CTDSPL2: variants seen among roughly 807,000 people sequenced by gnomAD.
CTDSPL2 encodes the protein CTD small phosphatase-like protein 2.
CTDSPL2 carries 5 observed loss-of-function variants against 60.0 expected under a neutral mutation model. The ratio of observed to expected loss-of-function variants is 0.08; its 90% CI spans 0.04 to 0.18. CTDSPL2 has a LOEUF of 0.18. Ranked by LOEUF, CTDSPL2 falls within the 10% of genes least tolerant of loss-of-function variation. The pLI is 1.00. For missense variants in CTDSPL2, 370 were observed against 548.8 expected, an observed-to-expected ratio of 0.67 and a Z score of 3.26; for synonymous variants, 186 against 189.3, an observed-to-expected ratio of 0.98 and a Z score of 0.14.
At chr15:44,492,959 A>G (rs958717473) in intron 5 of CTDSPL2, among the ~76,000 whole-genome samples, 3 of 151,892 alleles carry the variant, frequency 2.0e-5, no homozygotes, top group Non-Finnish European at 4.4e-5. Context: ...CTTTTTATTT[A>G]TTTTTTCTGA....
chr15:44,494,758 T>C (rs1425244986), intron 5 of CTDSPL2, among the ~76,000 whole-genome samples: 1 of 151,590 alleles, frequency 6.6e-6, no homozygotes, highest in Non-Finnish European at 1.5e-5. Context: ...CTACTAAAAA[T>C]ACAAAAAATT....
At chr15:44,504,708 C>CAAA (rs34132661) in intron 8 of CTDSPL2, among the ~76,000 whole-genome samples, 7 of 133,936 alleles carry the variant, frequency 5.2e-5, no homozygotes, top group East Asian at 4.3e-4. Context: ...CTGTCCCTTC[C>CAAA]AAAAAAAAAA....
chr15:44,445,095 C>T (rs551037541), intron 1 of CTDSPL2, among the ~76,000 whole-genome samples: 47 of 151,776 alleles, frequency 3.1e-4, no homozygotes, highest in African/African-American at 9.2e-4. Flanking sequence ...CCGCCCGCCT[C>T]GGCCTCCCAG....
intron 2 of CTDSPL2, among the ~76,000 whole-genome samples, chr15:44,468,981 C>G (rs1203118071): frequency 6.6e-6 from 1 of 152,146 alleles, no homozygotes; most frequent in Non-Finnish European, 1.5e-5. Flanking sequence ...ATCATATCAG[C>G]TGTGTAGATA....
chr15:44,494,875 C>T (rs1381540088), intron 5 of CTDSPL2, among the ~76,000 whole-genome samples: 5 of 151,994 alleles, frequency 3.3e-5, no homozygotes, highest in African/African-American at 7.2e-5. Flanking sequence ...CAGATCGCGC[C>T]ACTGCACTCC....
At chr15:44,430,645 T>C (rs2079838202) in intron 1 of CTDSPL2, among the ~76,000 whole-genome samples, 1 of 152,194 alleles carries the variant, frequency 6.6e-6, no homozygotes, top group Admixed American at 6.5e-5. Context: ...AAGCAATATC[T>C]AATTGTAACT....
intron 4 of CTDSPL2, among the ~76,000 whole-genome samples, chr15:44,487,575 T>G (rs2081142683): frequency 1.3e-5 from 2 of 152,186 alleles, no homozygotes; most frequent in African/African-American, 4.8e-5. Context: ...GCAAAAGCCA[T>G]TCCAGGTAGA....
chr15:44,474,788 A>C (rs2080882656), intron 2 of CTDSPL2, among the ~76,000 whole-genome samples: 1 of 151,944 alleles, frequency 6.6e-6, no homozygotes, highest in Admixed American at 6.6e-5. Context: ...CCCGGGAGGC[A>C]GAGGTTGCAG....
chr15:44,441,239 T>TC (rs1410074291), intron 1 of CTDSPL2, among the ~76,000 whole-genome samples: 3 of 152,038 alleles, frequency 2.0e-5, no homozygotes, highest in African/African-American at 7.2e-5. Context: ...TTTCTTTCAC[T>TC]CCCCCGCATT....
chr15:44,524,094 C>CT lies in CTDSPL2; in HGVS notation c.1336-9dup, dbSNP rs745537329. 2.5e-6 allele frequency: 4 copies of CT among 1,611,576 alleles called. No homozygotes were observed. In the East Asian group the frequency reaches 8.9e-5, roughly 36 times the overall value. ...AATTTTATGCCTTTTTAAAAATTGTCTTTTTTCCACGCAGAATGAAGATGT... is the reference window on the plus strand; with the variant it reads ...AATTTTATGCCTTTTTAAAAATTGTCTTTTTTTCCACGCAGAATGAAGATGT... On this transcript the variant is annotated splice_polypyrimidine_tract_variant and intron_variant, in intron 12 of 12. Transcript: ENST00000260327.
chr15:44,460,997 G>A (rs910572491), intron 2 of CTDSPL2, among the ~76,000 whole-genome samples: 1 of 151,990 alleles, frequency 6.6e-6, no homozygotes, highest in East Asian at 1.9e-4. Flanking sequence ...TTACTTTTTT[G>A]TAGTTTTTTC....
chr15:44,430,030 A>G (rs1359337874), intron 1 of CTDSPL2, among the ~76,000 whole-genome samples: 3 of 152,196 alleles, frequency 2.0e-5, no homozygotes, highest in African/African-American at 2.4e-5. Flanking sequence ...TGAGCTGGTA[A>G]TGTTACTGTT....
intron 2 of CTDSPL2, among the ~76,000 whole-genome samples, chr15:44,468,448 A>T (rs1253197357): frequency 6.6e-6 from 1 of 152,076 alleles, no homozygotes; most frequent in Non-Finnish European, 1.5e-5. Flanking sequence ...CAATTTCATT[A>T]TTCGTTCAAA....
intron 2 of CTDSPL2, among the ~76,000 whole-genome samples, chr15:44,480,108 T>C (rs1017375654): frequency 2.0e-5 from 3 of 152,206 alleles, no homozygotes; most frequent in African/African-American, 4.8e-5. Context: ...AAACTTGTTC[T>C]AGAAGGGCGC....
chr15:44,464,878 G>A (rs1301908556), intron 2 of CTDSPL2, among the ~76,000 whole-genome samples: 4 of 151,946 alleles, frequency 2.6e-5, no homozygotes, highest in African/African-American at 7.3e-5. Flanking sequence ...GCTACTTTTT[G>A]TATTTTTAAT....
rs2081365090 is a variant in CTDSPL2, at chr15:44,500,305, T to C, written c.969+492T>C. On this transcript the variant is annotated intron_variant, in intron 8 of 12. Transcript: ENST00000260327. The stretch of plus-strand genomic sequence containing the variant: ...GACACTCTTCTAGTTATTGTTTTAC[T>C]TAGGGCATTTTAGTTTGAGCATTTC... 3.9e-5 allele frequency among the ~76,000 whole-genome samples: 6 copies of C among 152,354 alleles called. No individual in the cohort carries two copies. The South Asian group carries it at 1.2e-3, about 32-fold the overall frequency.
chr15:44,448,680 A>G, intron 1 of CTDSPL2: 1 of 322,012 alleles, frequency 3.1e-6, no homozygotes, highest in Non-Finnish European at 6.1e-6. Flanking sequence ...CTCCATTCTA[A>G]TTTCTGCAGG....
At chr15:44,440,269 C>T (rs1411528804) in intron 1 of CTDSPL2, among the ~76,000 whole-genome samples, 1 of 149,592 alleles carries the variant, frequency 6.7e-6, no homozygotes, top group Non-Finnish European at 1.5e-5. Flanking sequence ...GATCTCTGCT[C>T]ACTACAACCT....
intron 2 of CTDSPL2, among the ~76,000 whole-genome samples, chr15:44,472,405 G>A (rs773065262): frequency 3.3e-5 from 5 of 152,258 alleles, no homozygotes; most frequent in East Asian, 1.9e-4. Flanking sequence ...GCAGTATGTC[G>A]TAGTTTTGAT....
Sources: allele counts gnomAD v4.1 joint callset (sites outside exome capture counted in the v4.1 genomes callset), GRCh38; gene constraint gnomAD v4.1.1; transcripts MANE v1.5; gene names NCBI Gene and HGNC (gene_info 2026-07-23, HGNC 2026-07-21).